The following STPG1 variants were observed in gnomAD, a reference collection of about 807,000 sequenced individuals.
The protein encoded by STPG1 is O(6)-methylguanine-induced apoptosis 2.
Under a neutral mutation model 40.1 loss-of-function variants are expected in STPG1, and 33 were observed. The observed-to-expected ratio is 0.82, with a 90% CI of 0.62 to 1.10. The LOEUF (loss-of-function observed/expected upper bound fraction) is 1.10. Among genes scored for constraint, STPG1 ranks in the 50% least tolerant of loss-of-function variants. The pLI is 0.00. For synonymous variants in STPG1, 150 were observed against 155.0 expected (o/e 0.97, Z 0.24); for missense variants, 396 against 415.1 (o/e 0.95, Z 0.40).
At chr1:24,368,287 T>A (rs1294077580) in intron 7 of STPG1, among the ~76,000 whole-genome samples, 1 of 152,238 alleles carries the variant, frequency 6.6e-6, no homozygotes, top group African/African-American at 2.4e-5. Flanking sequence ...CCCCTTGCCC[T>A]AGGCTGATGA....
At chr1:24,392,827 C>CT (rs1051930365) in intron 2 of STPG1, among the ~76,000 whole-genome samples, 1 of 149,150 alleles carries the variant, frequency 6.7e-6, no homozygotes, top group African/African-American at 2.5e-5. Flanking sequence ...GAATCCTAAC[C>CT]TTCAGAGAGG....
intron 4 of STPG1, among the ~76,000 whole-genome samples, chr1:24,383,404 T>TA (rs1642372192): frequency 1.3e-5 from 2 of 152,348 alleles, no homozygotes; most frequent in African/African-American, 4.8e-5. Context: ...ACTTGATTGT[T>TA]ACAGCCCTCA....
intron 2 of STPG1, among the ~76,000 whole-genome samples, chr1:24,396,446 A>C (rs1334026906): frequency 6.6e-6 from 1 of 152,110 alleles, no homozygotes; most frequent in African/African-American, 2.4e-5. Flanking sequence ...AAGTTCTGGG[A>C]TTGCAAGTGT....
Position 24,373,787 on chromosome 1 carries a change from C to T in STPG1, c.486G>A (p.Gln162=), listed in dbSNP as rs776153238. The change falls in exon 6 of 9, where the codon CAG becomes CAA. Residue 162 remains glutamine (Q), a synonymous_variant. Coordinates refer to ENST00000337248, the MANE Select transcript of STPG1 (RefSeq NM_001199013.2). ...CGGCTCGAGTACAGACGTTGTTTCT[C>T]TGCTTGCAGCAAGAGACAGAGGCCT... The part of the protein sequence containing the change: ...YYNASVSCCK[Q]RNNVCTRAGF... 2.5e-6 allele frequency: 4 copies of T among 1,609,792 alleles called. No homozygotes were observed. Among genetic ancestry groups the T allele is most frequent in the Non-Finnish European group, 3.4e-6 (4 of 1,176,274 alleles).
At chr1:24,369,103 G>C (rs1175078200) in intron 7 of STPG1, 1 of 319,794 alleles carries the variant, frequency 3.1e-6, no homozygotes, top group East Asian at 8.6e-5. Context: ...TTAGAACTCT[G>C]CCCAAGGTCA....
chr1:24,390,538 G>A (rs984987572), intron 3 of STPG1, among the ~76,000 whole-genome samples: 9 of 152,040 alleles, frequency 5.9e-5, no homozygotes, highest in Non-Finnish European at 2.9e-5. Context: ...CCTGCCTCAG[G>A]AGAGGCAGTA....
intron 8 of STPG1, 136 bp from the exon 9 acceptor site, chr1:24,358,755 G>A (rs749799146): frequency 9.3e-6 from 6 of 644,860 alleles, no homozygotes; most frequent in South Asian, 3.9e-5. Flanking sequence ...GGGAGACAGA[G>A]AGGAAGGAAC....
intron 2 of STPG1, among the ~76,000 whole-genome samples, chr1:24,395,176 A>C (rs1332478895): frequency 2.0e-5 from 3 of 151,914 alleles, no homozygotes; most frequent in African/African-American, 7.2e-5. Flanking sequence ...GAAAAAAAAA[A>C]CCTGTCACCC....
intron 6 of STPG1, among the ~76,000 whole-genome samples, chr1:24,370,759 G>A (rs1179427684): frequency 1.3e-5 from 2 of 151,872 alleles, no homozygotes; most frequent in African/African-American, 2.4e-5. Context: ...CCAAAGTGCT[G>A]GGATTATAGG....
chr1:24,365,185 T>C (rs1361293428), intron 7 of STPG1, among the ~76,000 whole-genome samples: 1 of 152,178 alleles, frequency 6.6e-6, no homozygotes, highest in Non-Finnish European at 1.5e-5. Context: ...TCCAATCTAA[T>C]TACCAAAATT....
chr1:24,406,908 C>T (rs1304559074), intron 1 of STPG1, among the ~76,000 whole-genome samples: 1 of 152,158 alleles, frequency 6.6e-6, no homozygotes, highest in Non-Finnish European at 1.5e-5. Context: ...TTTCTAAGTG[C>T]ACAGCTGAGT....
intron 8 of STPG1, among the ~76,000 whole-genome samples, chr1:24,360,324 C>T (rs762854383): frequency 6.6e-6 from 1 of 152,110 alleles, no homozygotes; most frequent in Non-Finnish European, 1.5e-5. Flanking sequence ...TGGCATGTAC[C>T]TGTAATTCCA....
At chr1:24,414,531 C>CTTTTTTTTTT (rs57135976), upstream of STPG1, 1 of 83,168 alleles carries the variant, frequency 1.2e-5, no homozygotes, top group African/African-American at 5.1e-5. Context: ...GAAATCCAAG[C>CTTTTTTTTTT]TTTTTTTTTT....
intron 3 of STPG1, among the ~76,000 whole-genome samples, chr1:24,386,463 A>G (rs1403772703): frequency 1.3e-5 from 2 of 152,236 alleles, no homozygotes; most frequent in Non-Finnish European, 2.9e-5. Flanking sequence ...TAAAAATTCC[A>G]AAATGTTGCT....
At chr1:24,380,471 A>G (rs1160815233) in intron 4 of STPG1, among the ~76,000 whole-genome samples, 1 of 152,254 alleles carries the variant, frequency 6.6e-6, no homozygotes, top group Non-Finnish European at 1.5e-5. Context: ...AAACTCAGTG[A>G]TAACATCACT....
Position 24,373,737 on chromosome 1 carries a change from C to T in STPG1, c.536G>A (p.Gly179Glu), listed in dbSNP as rs757576816. ...TCCTTTATCAGCAAAAGCGAAAGAT[C>T]CTCTTTGGGTTTTTGACATAAACCC... ...RAGFMSKTQR[G>E]SFAFADKGPP... The change falls in exon 6 of 9, where the codon GGA (glycine) becomes GAA (glutamate). Residue 179 changes from glycine to glutamate, a missense_variant. Gly to Glu is a moderately conservative substitution (Grantham distance 98). Transcript: ENST00000337248. The T allele has an allele frequency of 1.9e-6, 3 of 1,611,844 alleles. No homozygotes were observed. The highest frequency in any genetic ancestry group is 1.7e-5 in the Admixed American group (1 of 59,988).
chr1:24,391,786 G>T, intron 2 of STPG1, 107 bp from the exon 3 acceptor site: 1 of 1,175,908 alleles, frequency 8.5e-7, no homozygotes, highest in Non-Finnish European at 1.1e-6. Context: ...TGGTAGAGAA[G>T]AGAAACTTGC....
intron 7 of STPG1, among the ~76,000 whole-genome samples, chr1:24,361,357 G>A (rs1010069344): frequency 6.6e-6 from 1 of 152,160 alleles, no homozygotes; most frequent in Non-Finnish European, 1.5e-5. Context: ...CTGGAGATGT[G>A]GAGCTAACCA....
chr1:24,374,595 C>T (rs1054787409), intron 5 of STPG1, among the ~76,000 whole-genome samples: 4 of 149,534 alleles, frequency 2.7e-5, no homozygotes, highest in South Asian at 2.1e-4. Flanking sequence ...ATGCTACACC[C>T]GCAAATTATC....
Sources: gnomAD v4.1 joint callset for allele counts (sites outside exome capture counted in the v4.1 genomes callset) on GRCh38, gnomAD v4.1.1 for gene constraint, MANE v1.5 for transcripts, NCBI Gene and HGNC (gene_info 2026-07-23, HGNC 2026-07-21) for gene names.